Variants in EXD3 observed in about 807,000 individuals in gnomAD.
EXD3 encodes exonuclease 3'-5' domain containing 3, also known as exonuclease mut-7 homolog.
EXD3 carries 92 observed loss-of-function variants against 98.0 expected under a neutral mutation model. The observed-to-expected ratio is 0.94, with a 90% CI of 0.79 to 1.12. The LOEUF is 1.12. EXD3 is among the 50% of genes most tolerant of loss of function. EXD3 has a pLI of 0.00. For missense variants in EXD3, 1,222 were observed against 1,191.6 expected, an observed-to-expected ratio of 1.03 and a Z score of -0.38; for synonymous variants, 569 against 526.0, an observed-to-expected ratio of 1.08 and a Z score of -1.12.
Position 137,351,646 on chromosome 9 carries a change from C to G in EXD3, c.1174-118G>C, listed in dbSNP as rs1488730181. ...GGCTTCGGGGAGACGCCCCTGCACCCCTGCATGTTTATAGGGCTGGGGCTG... is the reference window on the plus strand; with the variant it reads ...GGCTTCGGGGAGACGCCCCTGCACCGCTGCATGTTTATAGGGCTGGGGCTG... On this transcript the variant is annotated intron_variant, in intron 12 of 21. Coordinates refer to ENST00000340951, the MANE Select transcript of EXD3 (RefSeq NM_017820.5). The G allele has an allele frequency of 3.2e-6, 3 of 928,410 alleles. No individual in the cohort carries two copies. The African/African-American group carries it at 4.9e-5, about 15-fold the overall frequency. The allele number at this position is 928,410 out of a possible 1,614,324, so 57.5% of individuals were successfully genotyped here.
In EXD3 at chr9:137,324,012, G is replaced by A; in HGVS notation, c.2052+78C>T. On this transcript the variant is annotated intron_variant, in intron 18 of 21. Transcript: ENST00000340951. This position sits in a 1 kb window ranked among gnomAD's most constrained non-coding sequence, Gnocchi z 4.1. ...GTCGGCCCCACGGCAAGCTGACCCTGAGGTGGGGGTGGCCGAGGGGCTGGG... is the reference window on the plus strand; with the variant it reads ...GTCGGCCCCACGGCAAGCTGACCCTAAGGTGGGGGTGGCCGAGGGGCTGGG... 6.5e-7 allele frequency: 1 copy of A among 1,537,820 alleles called. No homozygotes were observed. The highest frequency in any genetic ancestry group is 2.4e-5 in the East Asian group (1 of 41,004).
chr9:137,401,941 T>A (rs1053263256), intron 1 of EXD3, among the ~76,000 whole-genome samples: 6 of 152,336 alleles, frequency 3.9e-5, no homozygotes, highest in South Asian at 2.1e-4. Context: ...CCTGAAAAAA[T>A]TGGTTTTTCT....
At chr9:137,350,007 C>G (rs1225002339) in intron 14 of EXD3, among the ~76,000 whole-genome samples, 2 of 140,752 alleles carry the variant, frequency 1.4e-5, no homozygotes, top group African/African-American at 5.3e-5. Context: ...GGGTGGGGAT[C>G]ACGGGGAAGG....
chr9:137,378,932 G>T (rs1390598521), intron 3 of EXD3, among the ~76,000 whole-genome samples: 5 of 144,766 alleles, frequency 3.5e-5, no homozygotes, highest in South Asian at 2.2e-4. Flanking sequence ...ATCTGTGTGA[G>T]GGGTACGGGG....
intron 2 of EXD3, among the ~76,000 whole-genome samples, chr9:137,387,679 G>A (rs1836674627): frequency 6.6e-6 from 1 of 152,188 alleles, no homozygotes; most frequent in South Asian, 2.1e-4. Flanking sequence ...CCACGCAGGG[G>A]CACGGGGTCC....
intron 1 of EXD3, among the ~76,000 whole-genome samples, chr9:137,413,200 C>A (rs982090569): frequency 2.2e-4 from 34 of 152,058 alleles, no homozygotes; most frequent in African/African-American, 7.7e-4. Flanking sequence ...CACTATCCAA[C>A]TCCAGAACTT....
intron 1 of EXD3, among the ~76,000 whole-genome samples, chr9:137,419,818 C>A (rs950220556): frequency 1.3e-5 from 2 of 151,908 alleles, no homozygotes; most frequent in Non-Finnish European, 2.9e-5. Context: ...TTCCAGGACT[C>A]TTATTTAAAA....
At chr9:137,373,623 G>A in intron 3 of EXD3, 24 bp from the exon 4 acceptor site, 1 of 1,579,148 alleles carries the variant, frequency 6.3e-7, no homozygotes, top group Non-Finnish European at 8.6e-7. Flanking sequence ...AAACCACACT[G>A]GCACTTTGTC....
intron 6 of EXD3, 128 bp from the exon 7 acceptor site, chr9:137,366,760 G>T: frequency 8.2e-7 from 1 of 1,216,836 alleles, no homozygotes; most frequent in Non-Finnish European, 1.1e-6. Context: ...AGGCCCAGCA[G>T]TGCTCGCCCG....
intron 10 of EXD3, chr9:137,353,245 C>T: frequency 1.0e-6 from 1 of 983,590 alleles, no homozygotes; most frequent in South Asian, 4.7e-5. Context: ...TCCAAGCCTC[C>T]ACTGGCCCTC....
At chr9:137,387,739 C>T (rs994452485) in intron 2 of EXD3, among the ~76,000 whole-genome samples, 12 of 152,210 alleles carry the variant, frequency 7.9e-5, no homozygotes, top group Admixed American at 1.3e-4. Context: ...CTCCCAGACC[C>T]GCTCTCCGGC....
At chr9:137,355,428 AGGAGGAT>A (rs1564507880) in intron 8 of EXD3, among the ~76,000 whole-genome samples, 1 of 119,600 alleles carries the variant, frequency 8.4e-6, no homozygotes, top group Non-Finnish European at 1.7e-5. Flanking sequence ...GGAAGGAGGA[AGGAGGAT>A]GGAGGAAGGG....
At chr9:137,309,283 G>A (rs185824119) in intron 20 of EXD3, among the ~76,000 whole-genome samples, 1 of 152,170 alleles carries the variant, frequency 6.6e-6, no homozygotes, top group Non-Finnish European at 1.5e-5. Flanking sequence ...ACGTGTGTGT[G>A]TGTCTGTGTG....
At chr9:137,417,670 G>A (rs1378288533) in intron 1 of EXD3, among the ~76,000 whole-genome samples, 2 of 152,194 alleles carry the variant, frequency 1.3e-5, no homozygotes, top group Non-Finnish European at 2.9e-5. Context: ...CGGCCACCAC[G>A]CGGCGGAGCA....
rs1835744422 is a variant in EXD3, at chr9:137,373,495, G to T, written c.225C>A (p.Ser75=). The T allele has an allele frequency of 6.2e-7, 1 of 1,608,290 alleles. No individual in the cohort carries two copies. The highest frequency in any genetic ancestry group is 8.5e-7 in the Non-Finnish European group (1 of 1,178,382). ...GCTGGTGGGAGATCCAGGCCGCCAGGGAGGGGCCCTCTCCCCGCTGGCCCC... is the reference window on the plus strand; with the variant it reads ...GCTGGTGGGAGATCCAGGCCGCCAGTGAGGGGCCCTCTCCCCGCTGGCCCC... The part of the protein sequence containing the change: ...SCRGQRGEGP[S]LAAWISHQLQ... The change falls in exon 4 of 22, where the codon TCC becomes TCA. Residue 75 remains serine (S), a synonymous_variant. Coordinates refer to ENST00000340951, the MANE Select transcript of EXD3 (RefSeq NM_017820.5).
chr9:137,366,851 G>A (rs933658315), intron 6 of EXD3, among the ~76,000 whole-genome samples: 9 of 152,230 alleles, frequency 5.9e-5, no homozygotes, highest in Admixed American at 3.3e-4. Flanking sequence ...ATGAAGGCCT[G>A]GAGGCCCTAA....
intron 6 of EXD3, 108 bp downstream of exon 6, chr9:137,367,828 C>T: frequency 9.2e-7 from 1 of 1,092,782 alleles, no homozygotes; most frequent in Non-Finnish European, 1.3e-6. Context: ...GCCCTGCTGT[C>T]CCCCACTGTG....
At position 137,318,747 on chromosome 9, in the gene EXD3, C is replaced by T. The variant is rs544274113; in HGVS notation, c.2184+4978G>A. On this transcript the variant is annotated intron_variant, in intron 19 of 21. Coordinates refer to ENST00000340951, the MANE Select transcript of EXD3 (RefSeq NM_017820.5). ...CCTCCCTGCCTGGCTCAGGGGCACA[C>T]GTGGGCAGATGCTACCAGAAAGCCG... is the stretch of plus-strand genomic sequence containing the variant. 8.5e-5 allele frequency among the ~76,000 whole-genome samples: 13 copies of T among 152,228 alleles called. 1 individual carries two copies. In the South Asian group the frequency reaches 2.1e-3, roughly 24 times the overall value.
At chr9:137,348,968 T>G in intron 16 of EXD3, 142 bp downstream of exon 16, 1 of 998,826 alleles carries the variant, frequency 1.0e-6, no homozygotes. Flanking sequence ...ACCAGGACTT[T>G]GCTCCCCTCT....
Sources: allele counts gnomAD v4.1 joint callset (sites outside exome capture counted in the v4.1 genomes callset), GRCh38; gene constraint gnomAD v4.1.1; non-coding constraint Gnocchi (gnomAD v3.1); transcripts MANE v1.5; gene names NCBI Gene and HGNC (gene_info 2026-07-23, HGNC 2026-07-21).